The following FHIT variants were observed in gnomAD, a reference collection of about 807,000 sequenced individuals.
The protein encoded by FHIT is bis(5'-adenosyl)-triphosphatase.
FHIT carries 19 observed loss-of-function variants against 17.9 expected under a neutral mutation model. That is an observed-to-expected ratio of 1.06 (90% CI 0.74 to 1.56). The LOEUF (loss-of-function observed/expected upper bound fraction) is 1.56. Ranked by LOEUF, FHIT falls within the 40% of genes most tolerant of loss-of-function variation. The pLI is 0.00. For missense variants in FHIT, 248 were observed against 189.2 expected (o/e 1.31, Z -1.82); for synonymous variants, 81 against 69.7 (o/e 1.16, Z -0.81).
At chr3:60,688,473 C>G (rs2040911453) in intron 4 of FHIT, among the ~76,000 whole-genome samples, 1 of 151,214 alleles carries the variant, frequency 6.6e-6, no homozygotes, top group South Asian at 2.1e-4. Flanking sequence ...CTCTTACTGC[C>G]CCAGCTGGAA....
At chr3:60,264,647 G>A (rs1706477455) in intron 5 of FHIT, among the ~76,000 whole-genome samples, 1 of 151,904 alleles carries the variant, frequency 6.6e-6, no homozygotes, top group African/African-American at 2.4e-5. Flanking sequence ...GAAGTCCTTC[G>A]AAAGCCTCTG....
chr3:61,097,443 A>G (rs2035677798), intron 2 of FHIT, among the ~76,000 whole-genome samples: 1 of 152,198 alleles, frequency 6.6e-6, no homozygotes, highest in Non-Finnish European at 1.5e-5. Context: ...AATGATTTAT[A>G]TTCCTTTGGG....
intron 5 of FHIT, among the ~76,000 whole-genome samples, chr3:60,502,875 T>G (rs1361301709): frequency 6.6e-6 from 1 of 152,188 alleles, no homozygotes; most frequent in African/African-American, 2.4e-5. Flanking sequence ...CCTTAGAAAT[T>G]CACTTGGTGA....
At chr3:59,987,924 A>G (rs1709057488) in intron 7 of FHIT, among the ~76,000 whole-genome samples, 1 of 152,080 alleles carries the variant, frequency 6.6e-6, no homozygotes, top group South Asian at 2.1e-4. Flanking sequence ...ACATAGCTTG[A>G]AATATATTTT....
chr3:60,641,602 T>C (rs1243956265), intron 4 of FHIT, among the ~76,000 whole-genome samples: 1 of 152,136 alleles, frequency 6.6e-6, no homozygotes. Flanking sequence ...ACAAACAGTG[T>C]CCTTCGTTTC....
At chr3:60,234,020 T>C (rs1016022675) in intron 5 of FHIT, among the ~76,000 whole-genome samples, 9 of 152,176 alleles carry the variant, frequency 5.9e-5, no homozygotes, top group African/African-American at 1.9e-4. Context: ...AACAGACAAG[T>C]CACTTATTAT....
intron 3 of FHIT, among the ~76,000 whole-genome samples, chr3:60,937,978 A>G (rs782039241): frequency 6.6e-6 from 1 of 152,126 alleles, no homozygotes; most frequent in Non-Finnish European, 1.5e-5. Context: ...CCAGCCTCAC[A>G]GAAGGCCTGA....
intron 3 of FHIT, among the ~76,000 whole-genome samples, chr3:60,846,949 G>A (rs1339780543): frequency 3.3e-5 from 5 of 151,882 alleles, no homozygotes; most frequent in East Asian, 1.9e-4. Context: ...TCAGGCTCCC[G>A]AGTAGCTGGG....
chr3:60,016,845 C>T (rs1700363205), intron 5 of FHIT, among the ~76,000 whole-genome samples: 2 of 152,182 alleles, frequency 1.3e-5, no homozygotes, highest in East Asian at 1.9e-4. Flanking sequence ...TTAAGCGTTC[C>T]TCCTTTGGCC....
rs869239307 is a variant in FHIT, at chr3:60,976,096, C to CTTTTTTTTTTTTTTTTTTTTTTT, written c.-111+65928_-111+65950dup. On this transcript the variant is annotated intron_variant, in intron 3 of 9. Coordinates refer to ENST00000492590, the MANE Select transcript of FHIT (RefSeq NM_002012.4). ...CTTTGTATCTTTCGTTTTTCTTTTT[C>CTTTTTTTTTTTTTTTTTTTTTTT]TTTTTTTTTTTTTTTTTTTTTTTTT... Among the ~76,000 whole-genome samples the CTTTTTTTTTTTTTTTTTTTTTTT allele has an allele frequency of 2.2e-3, 149 of 66,788 alleles. 26 individuals carry two copies. The highest frequency in any genetic ancestry group is 2.7e-3 in the South Asian group (4 of 1,494). 43.8% of individuals were successfully genotyped at this position (66,788 alleles called of 152,430 possible).
chr3:60,982,998 A>G (rs1174602336), intron 3 of FHIT, among the ~76,000 whole-genome samples: 1 of 152,178 alleles, frequency 6.6e-6, no homozygotes, highest in Non-Finnish European at 1.5e-5. Flanking sequence ...AAAAAACACC[A>G]TGATTGACTC....
At chr3:60,682,232 C>A (rs927738511) in intron 4 of FHIT, among the ~76,000 whole-genome samples, 3 of 152,044 alleles carry the variant, frequency 2.0e-5, no homozygotes, top group Admixed American at 1.3e-4. Flanking sequence ...CGGCCTCCCA[C>A]AATGCTGGGA....
At chr3:61,020,140 T>C (rs1575849492) in intron 3 of FHIT, among the ~76,000 whole-genome samples, 1 of 152,306 alleles carries the variant, frequency 6.6e-6, no homozygotes, top group East Asian at 1.9e-4. Flanking sequence ...TTGAACTATT[T>C]TACACTCCCA....
chr3:60,077,744 G>T (rs546803022), intron 5 of FHIT, among the ~76,000 whole-genome samples: 2 of 140,602 alleles, frequency 1.4e-5, no homozygotes, highest in Non-Finnish European at 3.0e-5. Flanking sequence ...ATAGAGGGGG[G>T]GGGGAGGATA....
At chr3:60,434,458 A>G (rs1346473168) in intron 5 of FHIT, among the ~76,000 whole-genome samples, 1 of 152,046 alleles carries the variant, frequency 6.6e-6, no homozygotes, top group Non-Finnish European at 1.5e-5. Flanking sequence ...AGGGTTGCAT[A>G]GGGGATACAT....
At chr3:60,529,754 A>G (rs929437917) in intron 5 of FHIT, among the ~76,000 whole-genome samples, 1 of 152,212 alleles carries the variant, frequency 6.6e-6, no homozygotes, top group Non-Finnish European at 1.5e-5. Context: ...AGAAATGGTG[A>G]ACAGCTTTCC....
chr3:60,041,328 T>G (rs1242865522), intron 5 of FHIT, among the ~76,000 whole-genome samples: 1 of 152,224 alleles, frequency 6.6e-6, no homozygotes, highest in Non-Finnish European at 1.5e-5. Flanking sequence ...CAGAAGTACC[T>G]TCATCCTCCT....
chr3:60,546,560 T>C (rs998188618), intron 4 of FHIT, among the ~76,000 whole-genome samples: 3 of 152,224 alleles, frequency 2.0e-5, no homozygotes, highest in South Asian at 2.1e-4. Context: ...ACTGATTGTA[T>C]TTTCATTTGT....
intron 5 of FHIT, among the ~76,000 whole-genome samples, chr3:60,501,640 G>A (rs1376904817): frequency 2.0e-5 from 3 of 152,180 alleles, no homozygotes; most frequent in Non-Finnish European, 2.9e-5. Context: ...AATCATGGCA[G>A]AGTCCGGAAT....
Sources: gnomAD v4.1 joint callset for allele counts (sites outside exome capture counted in the v4.1 genomes callset) on GRCh38, gnomAD v4.1.1 for gene constraint, MANE v1.5 for transcripts, NCBI Gene and HGNC (gene_info 2026-07-23, HGNC 2026-07-21) for gene names.